Variants in CACUL1 observed in about 807,000 individuals in gnomAD.
The protein encoded by CACUL1 is CDK2 associated cullin domain 1.
CACUL1 carries 13 observed loss-of-function variants against 45.2 expected under a neutral mutation model. That is an observed-to-expected ratio of 0.29 (90% CI 0.19 to 0.46). CACUL1 has a LOEUF of 0.46. Ranked by LOEUF, CACUL1 falls within the 20% of genes least tolerant of loss-of-function variation. The pLI, the probability that CACUL1 is intolerant of heterozygous loss-of-function variation, is 1.00. For missense variants in CACUL1, 421 were observed against 471.4 expected (o/e 0.89, Z 0.99); for synonymous variants, 197 against 174.2 (o/e 1.13, Z -1.03).
intron 6 of CACUL1, among the ~76,000 whole-genome samples, chr10:118,694,581 G>A (rs913687864): frequency 6.6e-6 from 1 of 152,172 alleles, no homozygotes; most frequent in African/African-American, 2.4e-5. Flanking sequence ...ATATACAAAA[G>A]CTCCTTGGGA....
chr10:118,754,331 G>A (rs1845931163), intron 1 of CACUL1, 65 bp downstream of exon 1: 1 of 1,437,670 alleles, frequency 7.0e-7, no homozygotes, highest in Non-Finnish European at 9.1e-7. Flanking sequence ...TCTCCAAGAG[G>A]GGGTGGATTC....
chr10:118,739,713 T>C (rs1349140951), intron 1 of CACUL1, among the ~76,000 whole-genome samples: 1 of 152,204 alleles, frequency 6.6e-6, no homozygotes, highest in South Asian at 2.1e-4. Flanking sequence ...GTGGCAACTA[T>C]GCACTGGCCC....
intron 3 of CACUL1, 67 bp from the exon 4 acceptor site, chr10:118,707,654 AAC>A (rs1845445089): frequency 4.3e-6 from 3 of 704,310 alleles, no homozygotes; most frequent in Non-Finnish European, 7.3e-6. Flanking sequence ...CATAATTTGA[AAC>A]ACAAACAGAA....
intron 4 of CACUL1, among the ~76,000 whole-genome samples, chr10:118,703,909 A>G (rs574733416): frequency 6.6e-6 from 1 of 152,224 alleles, no homozygotes; most frequent in East Asian, 1.9e-4. Flanking sequence ...TTTCCAATTC[A>G]TGAAAGCTGA....
intron 3 of CACUL1, among the ~76,000 whole-genome samples, chr10:118,715,684 C>T (rs1163305322): frequency 2.0e-5 from 3 of 152,104 alleles, no homozygotes; most frequent in Non-Finnish European, 4.4e-5. Context: ...ATATTTATAT[C>T]CCTCCTCCTC....
chr10:118,737,485 AT>A (rs966698011), intron 1 of CACUL1, among the ~76,000 whole-genome samples: 28 of 152,118 alleles, frequency 1.8e-4, no homozygotes, highest in African/African-American at 6.3e-4. Flanking sequence ...ACAAGACAAC[AT>A]TTTGGTCCAG....
chr10:118,710,737 A>G (rs117187075), intron 3 of CACUL1, among the ~76,000 whole-genome samples: 6,289 of 152,292 alleles, frequency 0.041, 221 homozygotes, highest in Admixed American at 0.12. Context: ...GGTGCTGACC[A>G]CAGTGCCTAG....
rs889642177 is a variant in CACUL1, at chr10:118,743,799, GA to G, written c.367+10596del. Among the ~76,000 whole-genome samples the G allele has an allele frequency of 2.2e-4, 33 of 149,504 alleles. No homozygotes were observed. The South Asian group carries it at 6.3e-3, about 29-fold the overall frequency. Reference sequence around the variant, plus strand: ...AAGACTCTTTAAAGTATTTATAGAAGAAAAAAAAAGGCTGTATATCTAGAAT... The same window carrying G: ...AAGACTCTTTAAAGTATTTATAGAAGAAAAAAAAGGCTGTATATCTAGAAT... On this transcript the variant is annotated intron_variant, in intron 1 of 8. Transcript: ENST00000369151.
chr10:118,718,518 A>T (rs1332645041), intron 3 of CACUL1, among the ~76,000 whole-genome samples: 1 of 152,250 alleles, frequency 6.6e-6, no homozygotes, highest in Non-Finnish European at 1.5e-5. Flanking sequence ...AGCAGAGTTA[A>T]GCACAGGAGC....
chr10:118,735,278 G>GT (rs1450935178), intron 1 of CACUL1, among the ~76,000 whole-genome samples: 3 of 152,140 alleles, frequency 2.0e-5, no homozygotes, highest in Non-Finnish European at 4.4e-5. Context: ...CCTTTTAAGG[G>GT]TTTTTTTGTT....
chr10:118,687,463 C>G (rs1364541457), intron 7 of CACUL1, among the ~76,000 whole-genome samples: 1 of 152,158 alleles, frequency 6.6e-6, no homozygotes, highest in African/African-American at 2.4e-5. Flanking sequence ...TTTCCTCATT[C>G]TGGGGCATTC....
chr10:118,722,106 G>A (rs752262195), intron 3 of CACUL1, among the ~76,000 whole-genome samples: 4 of 148,938 alleles, frequency 2.7e-5, no homozygotes, highest in Admixed American at 6.6e-5. Flanking sequence ...TTCTTGAGAC[G>A]GAGTTTCGCT....
At chr10:118,727,953 A>G (rs1845666271) in intron 3 of CACUL1, among the ~76,000 whole-genome samples, 1 of 152,254 alleles carries the variant, frequency 6.6e-6, no homozygotes, top group African/African-American at 2.4e-5. Context: ...CTAGGGTTTC[A>G]TCAACAATTT....
rs894163657 is a variant in CACUL1, at chr10:118,691,444, A to C, written c.887-41T>G. ...ACAATTCATTAAGGAAATCATATAA[A>C]CACACCAAATTAAATGGAAAAGGGA... On this transcript the variant is annotated intron_variant, in intron 6 of 8. Coordinates refer to ENST00000369151, the MANE Select transcript of CACUL1 (RefSeq NM_153810.5). 5 of 1,554,390 alleles carry C rather than the reference A, an allele frequency of 3.2e-6. No homozygotes were observed. The African/African-American group carries it at 6.9e-5, about 21-fold the overall frequency.
At chr10:118,723,798 C>T (rs1010563961) in intron 3 of CACUL1, among the ~76,000 whole-genome samples, 5 of 151,974 alleles carry the variant, frequency 3.3e-5, no homozygotes, top group African/African-American at 1.2e-4. Flanking sequence ...TTTTGGGAGA[C>T]GGAATCTCGC....
chr10:118,686,795 C>A, intron 7 of CACUL1, 154 bp from the exon 8 acceptor site: 1 of 626,750 alleles, frequency 1.6e-6, no homozygotes, highest in African/African-American at 1.8e-5. Context: ...CCTGATGTAC[C>A]TCACTATGCT....
intron 3 of CACUL1, among the ~76,000 whole-genome samples, chr10:118,711,130 A>G (rs1845480938): frequency 6.6e-6 from 1 of 152,250 alleles, no homozygotes; most frequent in Non-Finnish European, 1.5e-5. Flanking sequence ...CCCAAGCTGC[A>G]GTGCAATGGC....
At chr10:118,751,816 A>G (rs1019679383) in intron 1 of CACUL1, among the ~76,000 whole-genome samples, 26 of 152,234 alleles carry the variant, frequency 1.7e-4, no homozygotes, top group African/African-American at 5.5e-4. Flanking sequence ...ATCCAAGAGC[A>G]AGGAAAATTG....
At chr10:118,733,066 T>A (rs1845711262) in intron 1 of CACUL1, among the ~76,000 whole-genome samples, 1 of 152,200 alleles carries the variant, frequency 6.6e-6, no homozygotes, top group Admixed American at 6.5e-5. Context: ...CTTAGTTCAA[T>A]AAACCACATG....
Sources: allele counts gnomAD v4.1 joint callset (sites outside exome capture counted in the v4.1 genomes callset), GRCh38; gene constraint gnomAD v4.1.1; transcripts MANE v1.5; gene names NCBI Gene and HGNC (gene_info 2026-07-23, HGNC 2026-07-21).